Variants in PACS1 observed in about 807,000 individuals in gnomAD.
PACS1 encodes PACS-1.
Under a neutral mutation model 115.0 loss-of-function variants are expected in PACS1, and 24 were observed. The observed-to-expected ratio is 0.21, with a 90% CI of 0.15 to 0.29. The LOEUF (loss-of-function observed/expected upper bound fraction) is 0.29. Ranked by LOEUF, PACS1 falls within the 10% of genes least tolerant of loss-of-function variation. PACS1 has a pLI of 1.00. For synonymous variants in PACS1, 453 were observed against 504.5 expected, an observed-to-expected ratio of 0.90 and a Z score of 1.37; for missense variants, 838 against 1,251.2, an observed-to-expected ratio of 0.67 and a Z score of 4.98.
chr11:66,153,438 A>G (rs1275676406), intron 1 of PACS1, among the ~76,000 whole-genome samples: 1 of 152,180 alleles, frequency 6.6e-6, no homozygotes, highest in Non-Finnish European at 1.5e-5. Context: ...TGAGCCCAGA[A>G]GTTTGAGGCC....
At chr11:66,123,443 C>T (rs1217054170) in intron 1 of PACS1, among the ~76,000 whole-genome samples, 3 of 152,098 alleles carry the variant, frequency 2.0e-5, no homozygotes, top group Admixed American at 6.5e-5. Flanking sequence ...CCACCTGCCT[C>T]GGCCTCCCAA....
At chr11:66,226,277 A>G (rs558667782) in intron 10 of PACS1, among the ~76,000 whole-genome samples, 1 of 152,346 alleles carries the variant, frequency 6.6e-6, no homozygotes, top group South Asian at 2.1e-4. Flanking sequence ...GAGCCATTAC[A>G]CAAGCCAAAC....
chr11:66,093,195 G>A (rs1364472304), intron 1 of PACS1, among the ~76,000 whole-genome samples: 3 of 152,126 alleles, frequency 2.0e-5, no homozygotes, highest in Non-Finnish European at 4.4e-5. Context: ...ATTTCATTGA[G>A]CAGTGGTTTG....
intron 1 of PACS1, among the ~76,000 whole-genome samples, chr11:66,189,036 G>A (rs571820795): frequency 4.6e-5 from 7 of 152,164 alleles, no homozygotes; most frequent in African/African-American, 1.2e-4. Flanking sequence ...TCCAGCATCC[G>A]TATCTGTAAA....
chr11:66,199,591 G>T (rs903897904), intron 2 of PACS1, among the ~76,000 whole-genome samples: 42 of 151,774 alleles, frequency 2.8e-4, no homozygotes, highest in African/African-American at 1.0e-3. Flanking sequence ...AAGAAGGAAG[G>T]AAGATAAGAC....
chr11:66,116,601 C>G (rs1282803784), intron 1 of PACS1, among the ~76,000 whole-genome samples: 2 of 152,166 alleles, frequency 1.3e-5, no homozygotes, highest in African/African-American at 2.4e-5. Flanking sequence ...CTTCATAGAA[C>G]TTAGATTCTA....
rs958941082 is a variant in PACS1 at position 66,233,458 on chromosome 11, C to T, written c.1839-327C>T. On this transcript the variant is annotated intron_variant, in intron 15 of 23. Coordinates refer to ENST00000320580, the MANE Select transcript of PACS1 (RefSeq NM_018026.4). The surrounding 1 kb of genome is among the most constrained non-coding windows in gnomAD (Gnocchi z 4.5). The stretch of plus-strand genomic sequence containing the variant: ...TACCCTCAGGGCCTTCTTAAAAGGC[C>T]CAAGTCCCTTGCCCTTGTGAAAGAG... Among the ~76,000 whole-genome samples the T allele has an allele frequency of 2.6e-5, 4 of 152,154 alleles. No homozygotes were observed. The highest frequency in any genetic ancestry group is 5.9e-5 in the Non-Finnish European group (4 of 68,030).
intron 1 of PACS1, among the ~76,000 whole-genome samples, chr11:66,156,285 C>G (rs1443741473): frequency 7.4e-6 from 1 of 134,382 alleles, no homozygotes; most frequent in African/African-American, 2.8e-5. Context: ...GAGTCTTGCT[C>G]TGTCCCCCAG....
intron 17 of PACS1, 26 bp downstream of exon 17, chr11:66,234,268 C>T (rs2134741514): frequency 6.6e-7 from 1 of 1,518,896 alleles, no homozygotes; most frequent in Non-Finnish European, 9.1e-7. Flanking sequence ...AAGGAGCTTA[C>T]TCCCACCCCC....
chr11:66,227,354 C>T (rs551167535), intron 10 of PACS1, 150 bp from the exon 11 acceptor site: 648 of 557,006 alleles, frequency 1.2e-3, no homozygotes, highest in Non-Finnish European at 1.8e-3. Context: ...AATGTACCCG[C>T]CTCCCCGGCC....
intron 1 of PACS1, among the ~76,000 whole-genome samples, chr11:66,087,176 G>A (rs1186366591): frequency 5.3e-5 from 8 of 151,608 alleles, no homozygotes; most frequent in African/African-American, 1.2e-4. Context: ...CCAGCAGCAC[G>A]CATTAGTTTT....
chr11:66,233,725 T>TC lies in PACS1; in HGVS notation c.1839-55dup. 6.6e-7 allele frequency: 1 copy of TC among 1,513,778 alleles called. No individual in the cohort carries two copies. The highest frequency in any genetic ancestry group is 8.9e-7 in the Non-Finnish European group (1 of 1,124,028). 93.8% of individuals were successfully genotyped at this position (1,513,778 alleles called of 1,614,324 possible). A position where few individuals can be genotyped will look rare whatever the true frequency, so the allele number is the denominator to read the frequency against. Reference sequence around the variant, plus strand: ...GATCACAGAAAGTCAGCTCTGGGCCTCCCCCGGGCAGGATCCTGGCACCCC... The same window carrying TC: ...GATCACAGAAAGTCAGCTCTGGGCCTCCCCCCGGGCAGGATCCTGGCACCCC... On this transcript the variant is annotated intron_variant, in intron 15 of 23. Transcript: ENST00000320580. This position sits in a 1 kb window ranked among gnomAD's most constrained non-coding sequence, Gnocchi z 4.5.
At chr11:66,120,787 C>CA (rs1222319494) in intron 1 of PACS1, among the ~76,000 whole-genome samples, 1 of 152,212 alleles carries the variant, frequency 6.6e-6, no homozygotes, top group Non-Finnish European at 1.5e-5. Flanking sequence ...TCTAAAGTTT[C>CA]ATGGCCTCCT....
At chr11:66,081,431 AAAACAAAAC>A (rs200174480) in intron 1 of PACS1, among the ~76,000 whole-genome samples, 4,908 of 151,924 alleles carry the variant, frequency 0.032, 93 homozygotes, top group Non-Finnish European at 0.044. Flanking sequence ...CCCCCCAACC[AAAACAAAAC>A]AAACAAAACA....
At chr11:66,162,119 T>TTG (rs1252190532) in intron 1 of PACS1, among the ~76,000 whole-genome samples, 2 of 120,234 alleles carry the variant, frequency 1.7e-5, no homozygotes, top group Non-Finnish European at 3.6e-5. Context: ...GTGGTTTTTT[T>TTG]TTTTTTTTTT....
intron 1 of PACS1, among the ~76,000 whole-genome samples, chr11:66,157,760 C>T (rs748347299): frequency 9.9e-5 from 15 of 151,912 alleles, no homozygotes; most frequent in Non-Finnish European, 2.2e-4. Flanking sequence ...GCAACTGACC[C>T]ATCCTTGGCT....
intron 1 of PACS1, among the ~76,000 whole-genome samples, chr11:66,087,563 C>T (rs1424684715): frequency 6.6e-6 from 1 of 152,196 alleles, no homozygotes; most frequent in Non-Finnish European, 1.5e-5. Context: ...TTCTGCTGCT[C>T]AACATTATGT....
At chr11:66,202,914 G>A (rs927838999) in intron 2 of PACS1, among the ~76,000 whole-genome samples, 1 of 151,502 alleles carries the variant, frequency 6.6e-6, no homozygotes, top group African/African-American at 2.4e-5. Context: ...CAGACTGAAC[G>A]GAGAAAAACT....
intron 1 of PACS1, among the ~76,000 whole-genome samples, chr11:66,181,892 A>G (rs921598349): frequency 6.6e-6 from 1 of 152,256 alleles, no homozygotes; most frequent in Non-Finnish European, 1.5e-5. Flanking sequence ...TCAAATGCTG[A>G]TGACGTGTAA....
Sources: allele counts gnomAD v4.1 joint callset (sites outside exome capture counted in the v4.1 genomes callset), GRCh38; gene constraint gnomAD v4.1.1; non-coding constraint Gnocchi (gnomAD v3.1); transcripts MANE v1.5; gene names NCBI Gene and HGNC (gene_info 2026-07-23, HGNC 2026-07-21).